The following DCUN1D4 variants were observed in gnomAD, a reference collection of about 807,000 sequenced individuals.
DCUN1D4 encodes defective in cullin neddylation 1 domain containing 4.
Under a neutral mutation model 47.9 loss-of-function variants are expected in DCUN1D4, and 22 were observed. That is an observed-to-expected ratio of 0.46 (90% confidence interval 0.33 to 0.66). DCUN1D4 has a LOEUF of 0.66. Among genes scored for constraint, DCUN1D4 ranks in the 30% least tolerant of loss-of-function variants. The pLI is 0.02. For missense variants in DCUN1D4, 301 were observed against 340.8 expected, an observed-to-expected ratio of 0.88 and a Z score of 0.92; for synonymous variants, 121 against 112.2, an observed-to-expected ratio of 1.08 and a Z score of -0.50.
At chr4:51,883,586 C>T (rs1419124771) in intron 5 of DCUN1D4, among the ~76,000 whole-genome samples, 1 of 152,154 alleles carries the variant, frequency 6.6e-6, no homozygotes, top group Non-Finnish European at 1.5e-5. Context: ...CTACTAGGCA[C>T]TGCTGTTAGA....
Position 51,863,674 on chromosome 4 carries a change from T to G in DCUN1D4, c.101T>G (p.Leu34Arg). 6.2e-7 allele frequency: 1 copy of G among 1,613,540 alleles called. No homozygotes were observed. Among genetic ancestry groups the G allele is most frequent in the South Asian group, 1.1e-5 (1 of 90,896 alleles). Residue 34 changes from leucine (L) to arginine (R), a missense_variant, in exon 3 of 11, where the codon CTA (leucine) becomes CGA (arginine). Coordinates refer to ENST00000334635, the MANE Select transcript of DCUN1D4 (RefSeq NM_001040402.3). ...TAACGAACATATTTCTTTCAGAACC[T>G]AACAGAAGACATTGGCCAAGACGAT... ...KIYHTLNKLN[L>R]TEDIGQDDHQ...
intron 3 of DCUN1D4, among the ~76,000 whole-genome samples, chr4:51,868,525 C>G (rs1387371011): frequency 6.6e-6 from 1 of 152,218 alleles, no homozygotes; most frequent in Non-Finnish European, 1.5e-5. Context: ...ACTTGTGATT[C>G]CGGTACCCAA....
chr4:51,906,091 G>T (rs557226474), intron 8 of DCUN1D4, among the ~76,000 whole-genome samples: 1 of 152,130 alleles, frequency 6.6e-6, no homozygotes, highest in Non-Finnish European at 1.5e-5. Context: ...TAAAGAAGTC[G>T]AATGAAGAGT....
At chr4:51,844,670 G>T (rs1484965874) in intron 1 of DCUN1D4, among the ~76,000 whole-genome samples, 6 of 151,524 alleles carry the variant, frequency 4.0e-5, no homozygotes, top group Non-Finnish European at 5.9e-5. Flanking sequence ...CCCACGCCCG[G>T]GGGGCGCGAC....
chr4:51,836,229 G>C, the DCUN1D4 span, among the ~76,000 whole-genome samples: 1 of 152,144 alleles, frequency 6.6e-6, no homozygotes, highest in Non-Finnish European at 1.5e-5. Context: ...AGCATGAGTG[G>C]GTTGCAGGCC....
intron 8 of DCUN1D4, among the ~76,000 whole-genome samples, chr4:51,901,093 ATTCT>A (rs1021098879): frequency 6.6e-6 from 1 of 151,876 alleles, no homozygotes; most frequent in African/African-American, 2.4e-5. Context: ...TCATGTCCAC[ATTCT>A]TTCACTTCTT....
Position 51,913,353 on chromosome 4 carries a change from A to G in DCUN1D4, c.784A>G (p.Ile262Val). The G allele has an allele frequency of 6.2e-7, 1 of 1,613,072 alleles. No homozygotes were observed. Among genetic ancestry groups the G allele is most frequent in the Non-Finnish European group, 8.5e-7 (1 of 1,179,356 alleles). ...WCNVLEFSRT[I>V]NLDLSNYDED... ...CAATGTCCTAGAGTTTAGCAGAACA[A>G]TTAATCTTGACCTCAGCAACTATGA... Residue 262 changes from isoleucine (I) to valine (V), a missense_variant, in exon 10 of 11, where the codon ATT becomes GTT. This residue lies in a region of DCUN1D4 where 170 missense variants were observed against 234.5 expected (regional missense o/e 0.73). Coordinates refer to ENST00000334635, the MANE Select transcript of DCUN1D4 (RefSeq NM_001040402.3).
At chr4:51,845,307 AAAT>A (rs1722364049) in intron 1 of DCUN1D4, 1 of 982,702 alleles carries the variant, frequency 1.0e-6, no homozygotes, top group Non-Finnish European at 1.2e-6. Context: ...GTGTTTGAAA[AAAT>A]AACTGTCTTG....
intron 6 of DCUN1D4, among the ~76,000 whole-genome samples, chr4:51,889,974 A>G (rs965448262): frequency 2.6e-5 from 4 of 152,252 alleles, no homozygotes; most frequent in African/African-American, 7.2e-5. Flanking sequence ...CAAAAAATTG[A>G]TATGTACTAA....
chr4:51,854,534 T>C (rs1419616226), intron 1 of DCUN1D4, among the ~76,000 whole-genome samples: 1 of 152,198 alleles, frequency 6.6e-6, no homozygotes, highest in Non-Finnish European at 1.5e-5. Flanking sequence ...CCTGCCATTG[T>C]AAAACCCAAA....
intron 1 of DCUN1D4, among the ~76,000 whole-genome samples, chr4:51,845,884 T>C (rs1398643376): frequency 2.6e-5 from 4 of 152,208 alleles, no homozygotes; most frequent in Non-Finnish European, 5.9e-5. Flanking sequence ...AGATCATTTA[T>C]ATCTATCTGT....
intron 1 of DCUN1D4, chr4:51,860,569 T>C (rs1280669408): frequency 2.2e-6 from 1 of 455,284 alleles, no homozygotes; most frequent in Admixed American, 2.3e-5. Context: ...GGTGCTGGCA[T>C]CTGCTTGGCT....
At chr4:51,839,836 G>T (rs966243650), upstream of DCUN1D4, among the ~76,000 whole-genome samples, 14 of 152,170 alleles carry the variant, frequency 9.2e-5, no homozygotes, top group Non-Finnish European at 1.5e-4. Flanking sequence ...ACACATGCAG[G>T]AAAAGCATGC....
chr4:51,834,040 CTT>C, the DCUN1D4 span, among the ~76,000 whole-genome samples: 3 of 64,934 alleles, frequency 4.6e-5, no homozygotes, highest in Non-Finnish European at 5.9e-5. Context: ...TGTTAGGAGT[CTT>C]TCTCTCTCTC....
chr4:51,868,858 G>A (rs1181713933), intron 3 of DCUN1D4, among the ~76,000 whole-genome samples: 1 of 152,154 alleles, frequency 6.6e-6, no homozygotes, highest in African/African-American at 2.4e-5. Context: ...GGTGGCTCAC[G>A]CCTGTAATCC....
intron 1 of DCUN1D4, among the ~76,000 whole-genome samples, chr4:51,861,513 T>A (rs1232218408): frequency 6.6e-6 from 1 of 152,186 alleles, no homozygotes; most frequent in African/African-American, 2.4e-5. Context: ...TTAGATTCTC[T>A]TATGGGAATT....
At chr4:51,869,606 TAAAA>T (rs201594889) in intron 3 of DCUN1D4, among the ~76,000 whole-genome samples, 1 of 150,952 alleles carries the variant, frequency 6.6e-6, no homozygotes, top group Non-Finnish European at 1.5e-5. Context: ...GCAGAAAGAT[TAAAA>T]AAAAAGGAAG....
intron 3 of DCUN1D4, among the ~76,000 whole-genome samples, chr4:51,873,171 C>T (rs1727171566): frequency 6.6e-6 from 1 of 152,152 alleles, no homozygotes; most frequent in South Asian, 2.1e-4. Flanking sequence ...CCCTGAGAGC[C>T]CTGGGCCTTC....
At chr4:51,849,908 C>T (rs1016158671) in intron 1 of DCUN1D4, among the ~76,000 whole-genome samples, 5 of 151,874 alleles carry the variant, frequency 3.3e-5, no homozygotes, top group African/African-American at 1.2e-4. Context: ...AAAATTACAT[C>T]TGATGTACCA....
Sources: gnomAD v4.1 joint callset for allele counts (sites outside exome capture counted in the v4.1 genomes callset) on GRCh38, gnomAD v4.1.1 for gene constraint, gnomAD v4.1.1 regional missense constraint, MANE v1.5 for transcripts, NCBI Gene and HGNC (gene_info 2026-07-23, HGNC 2026-07-21) for gene names.